TAC1: variants seen among roughly 807,000 people sequenced by gnomAD.
TAC1 encodes protachykinin-1.
A neutral mutation model predicts 21.7 loss-of-function variants in TAC1; 12 were observed. That is an observed-to-expected ratio of 0.55 (90% CI 0.35 to 0.89). The LOEUF is 0.89. Among genes scored for constraint, TAC1 ranks in the 40% least tolerant of loss-of-function variants. The pLI, the probability that TAC1 is intolerant of heterozygous loss-of-function variation, is 0.01. For missense variants in TAC1, 128 were observed against 151.4 expected (o/e 0.85, Z 0.81); for synonymous variants, 52 against 52.0 (o/e 1.00, Z 0.00).
At chr7:97,733,984 G>A (rs186450080) in intron 3 of TAC1, 165 bp downstream of exon 3, 53 of 730,158 alleles carry the variant, frequency 7.3e-5, no homozygotes, top group South Asian at 2.6e-4. Flanking sequence ...GGCACGCACG[G>A]GCCCGCGGGG....
At chr7:97,738,157 A>C (rs1435672258) in intron 6 of TAC1, among the ~76,000 whole-genome samples, 1 of 152,048 alleles carries the variant, frequency 6.6e-6, no homozygotes, top group African/African-American at 2.4e-5. Context: ...TATGATCCAC[A>C]GTCAATCAGG....
chr7:97,738,338 C>A (rs1049866470), intron 6 of TAC1, among the ~76,000 whole-genome samples: 1 of 151,930 alleles, frequency 6.6e-6, no homozygotes, highest in African/African-American at 2.4e-5. Flanking sequence ...TTATATCAGG[C>A]TTCAGAGGGT....
At chr7:97,735,662 A>C in intron 5 of TAC1, among the ~76,000 whole-genome samples, 1 of 148,684 alleles carries the variant, frequency 6.7e-6, no homozygotes, top group East Asian at 1.9e-4. Context: ...TTAAAATAGT[A>C]ACCTTTCCAA....
At chr7:97,738,070 T>C (rs1422401815) in intron 6 of TAC1, among the ~76,000 whole-genome samples, 1 of 152,016 alleles carries the variant, frequency 6.6e-6, no homozygotes, top group East Asian at 1.9e-4. Flanking sequence ...TGAATCAGGA[T>C]CAATTTATAA....
chr7:97,734,024 C>G, intron 3 of TAC1: 7 of 685,120 alleles, frequency 1.0e-5, no homozygotes, highest in Non-Finnish European at 1.7e-5. Context: ...GCATGCCTCA[C>G]TGTATTCGAG....
chr7:97,733,815 T>C lies in TAC1; in HGVS notation c.216T>C (p.Asp72=), dbSNP rs1427652617. The change falls in exon 3 of 7, where the codon GAT becomes GAC. Residue 72 remains aspartate, a synonymous_variant. Coordinates refer to ENST00000319273, the MANE Select transcript of TAC1 (RefSeq NM_003182.3). ...TCTTTGGATTAATGGGCAAACGGGA[T>C]GCTGGTGAGATAGGCGACCGTCCCT... ...QQFFGLMGKR[D]ADSSIEKQVA... 6.2e-7 allele frequency: 1 copy of C among 1,614,086 alleles called. No individual in the cohort carries two copies. Among genetic ancestry groups the C allele is most frequent in the Non-Finnish European group, 8.5e-7 (1 of 1,179,978 alleles).
Position 97,732,989 on chromosome 7 carries a change from AT to A in TAC1, c.123+255del. ...CCCTGCAGTAGGGATGCCCTCCCGG[AT>A]GAGCCCGAGATCCTCACAAGGCGGG... On this transcript the variant is annotated intron_variant, in intron 2 of 6. Transcript: ENST00000319273. The surrounding 1 kb of genome is among the most constrained non-coding windows in gnomAD (Gnocchi z 6.2). 1.3e-5 allele frequency: 5 copies of A among 393,442 alleles called. No individual in the cohort carries two copies. Among genetic ancestry groups the A allele is most frequent in the South Asian group, 1.0e-4 (2 of 19,940 alleles). 24.4% of individuals were successfully genotyped at this position (393,442 alleles called of 1,614,324 possible).
At chr7:97,736,827 A>T (rs1205780644) in intron 6 of TAC1, among the ~76,000 whole-genome samples, 1 of 152,108 alleles carries the variant, frequency 6.6e-6, no homozygotes, top group Non-Finnish European at 1.5e-5. Context: ...ATCACTTTTT[A>T]TGAAGTTGTA....
intron 4 of TAC1, 135 bp from the exon 5 acceptor site, chr7:97,734,691 C>T (rs1584416912): frequency 2.9e-6 from 2 of 679,978 alleles, no homozygotes; most frequent in East Asian, 2.9e-5. Context: ...ATTTATGGTT[C>T]TGCTTTATTC....
rs1305342521 is a variant in TAC1 at position 97,732,408 on chromosome 7, G to A, written c.-9-196G>A. On this transcript the variant is annotated intron_variant, in intron 1 of 6. Coordinates refer to ENST00000319273, the MANE Select transcript of TAC1 (RefSeq NM_003182.3). The surrounding 1 kb of genome is among the most constrained non-coding windows in gnomAD (Gnocchi z 6.2). Reference sequence around the variant, plus strand: ...GGGGGCTGGGGGAGTTGGGATTCAGGGAGAAGAGGGTTGGAGAATCTTTGG... The same window carrying A: ...GGGGGCTGGGGGAGTTGGGATTCAGAGAGAAGAGGGTTGGAGAATCTTTGG... Among the ~76,000 whole-genome samples the A allele has an allele frequency of 6.6e-6, 1 of 152,188 alleles. No homozygotes were observed. The highest frequency in any genetic ancestry group is 1.5e-5 in the Non-Finnish European group (1 of 68,032).
intron 6 of TAC1, among the ~76,000 whole-genome samples, chr7:97,738,187 T>C (rs1043089532): frequency 3.1e-4 from 47 of 151,988 alleles, no homozygotes; most frequent in African/African-American, 1.0e-3. Context: ...ATGTACCTCA[T>C]TGAGGCAAGG....
Position 97,732,798 on chromosome 7 carries a change from C to A in TAC1, c.123+63C>A. Reference sequence around the variant, plus strand: ...CTGGGCTCGGGAGCTGTCACCTTCCCACGCAACAGCACCCTAGTTAACGTG... The same window carrying A: ...CTGGGCTCGGGAGCTGTCACCTTCCAACGCAACAGCACCCTAGTTAACGTG... On this transcript the variant is annotated intron_variant, in intron 2 of 6. Transcript: ENST00000319273. The surrounding 1 kb of genome is among the most constrained non-coding windows in gnomAD (Gnocchi z 6.2). The A allele has an allele frequency of 6.4e-7, 1 of 1,566,926 alleles. No individual in the cohort carries two copies. Among genetic ancestry groups the A allele is most frequent in the Non-Finnish European group, 8.6e-7 (1 of 1,157,186 alleles).
At chr7:97,738,635 C>G (rs944170472) in intron 6 of TAC1, among the ~76,000 whole-genome samples, 1 of 143,722 alleles carries the variant, frequency 7.0e-6, no homozygotes, top group Non-Finnish European at 1.6e-5. Flanking sequence ...AAATATGCAG[C>G]TTATTGTTAA....
intron 6 of TAC1, 43 bp downstream of exon 6, chr7:97,736,395 C>T: frequency 6.6e-7 from 1 of 1,513,084 alleles, no homozygotes; most frequent in Middle Eastern, 1.7e-4. Context: ...TATCTCAAAT[C>T]TATTTCTATT....
At chr7:97,734,098 T>C in intron 3 of TAC1, 150 bp from the exon 4 acceptor site, 2 of 771,174 alleles carry the variant, frequency 2.6e-6, no homozygotes. Flanking sequence ...CCAGGGGTAG[T>C]ACTGCGGATG....
chr7:97,739,019 C>T (rs575671291), intron 6 of TAC1, among the ~76,000 whole-genome samples: 1 of 104,616 alleles, frequency 9.6e-6, no homozygotes, highest in Non-Finnish European at 2.1e-5. Context: ...ATATAATATA[C>T]AATTTTGGCA....
chr7:97,732,662 T>C lies in TAC1; in HGVS notation c.50T>C (p.Leu17Pro), dbSNP rs1789461990. 1.2e-6 allele frequency: 2 copies of C among 1,613,994 alleles called. No individual in the cohort carries two copies. Among genetic ancestry groups the C allele is most frequent in the African/African-American group, 1.3e-5 (1 of 74,896 alleles). The change falls in exon 2 of 7, where the codon CTG becomes CCG. Residue 17 changes from leucine (L) to proline (P), a missense_variant. Transcript: ENST00000319273. The surrounding 1 kb of genome is among the most constrained non-coding windows in gnomAD (Gnocchi z 6.2). The part of the protein sequence containing the change: ...LAVFFLVSTQ[L>P]FAEEIGANDD... ...GTCTTTTTTCTTGTCTCCACTCAGCTGTTTGCAGAAGAAATAGGAGCCAAT... is the reference window on the plus strand; with the variant it reads ...GTCTTTTTTCTTGTCTCCACTCAGCCGTTTGCAGAAGAAATAGGAGCCAAT...
Position 97,732,150 on chromosome 7 carries a change from C to T in TAC1, c.-55C>T, listed in dbSNP as rs1420452373. ...GAGTGCGGAGCGACCAGCGTGCGCT[C>T]GGAGGAACCAGAGAAACTCAGCACC... On this transcript the variant is annotated 5_prime_UTR_variant, in exon 1 of 7. Coordinates refer to ENST00000319273, the MANE Select transcript of TAC1 (RefSeq NM_003182.3). This position sits in a 1 kb window ranked among gnomAD's most constrained non-coding sequence, Gnocchi z 6.2. 1 of 152,554 alleles carries T rather than the reference C, an allele frequency of 6.6e-6. No homozygotes were observed. The allele number at this position is 152,554 out of a possible 1,614,324, so 9.5% of individuals were successfully genotyped here. A position where few individuals can be genotyped will look rare whatever the true frequency, so the allele number is the denominator to read the frequency against.
Position 97,732,937 on chromosome 7 carries a change from A to C in TAC1, c.123+202A>C. The C allele has an allele frequency of 1.5e-6, 1 of 671,458 alleles. No homozygotes were observed. Among genetic ancestry groups the C allele is most frequent in the Non-Finnish European group, 2.4e-6 (1 of 417,344 alleles). The allele number at this position is 671,458 out of a possible 1,614,324, so 41.6% of individuals were successfully genotyped here. On this transcript the variant is annotated intron_variant, in intron 2 of 6. Transcript: ENST00000319273. This position sits in a 1 kb window ranked among gnomAD's most constrained non-coding sequence, Gnocchi z 6.2. ...TGCCCACGATTCAAGTTTCTTCCCG[A>C]GGGCTGCACCGTCCGGCCCAGGAAC...
Sources: allele counts gnomAD v4.1 joint callset (sites outside exome capture counted in the v4.1 genomes callset), GRCh38; gene constraint gnomAD v4.1.1; non-coding constraint Gnocchi (gnomAD v3.1); transcripts MANE v1.5; gene names NCBI Gene and HGNC (gene_info 2026-07-23, HGNC 2026-07-21).